The following ZNF563 variants were observed in gnomAD, a reference collection of about 807,000 sequenced individuals.
ZNF563 encodes zinc finger protein 563.
ZNF563 carries 39 observed loss-of-function variants against 48.5 expected under a neutral mutation model. The ratio of observed to expected loss-of-function variants is 0.80; its 90% CI spans 0.62 to 1.05. ZNF563 has a LOEUF of 1.05. Ranked by LOEUF, ZNF563 falls within the 50% of genes least tolerant of loss-of-function variation. ZNF563 has a pLI of 0.00. For missense variants in ZNF563, 538 were observed against 597.0 expected (o/e 0.90, Z 1.03); for synonymous variants, 168 against 187.9 (o/e 0.89, Z 0.87).
rs1246397903 is a variant in ZNF563 at position 12,317,679 on chromosome 19, A to G, written c.*915T>C. Reference sequence around the variant, plus strand: ...TTGTACCAAATATGTCATTTTTAAAAAAGGACTTGGCATGTGTCGATTTAT... The same window carrying G: ...TTGTACCAAATATGTCATTTTTAAAGAAGGACTTGGCATGTGTCGATTTAT... On this transcript the variant is annotated 3_prime_UTR_variant, in exon 4 of 4. Coordinates refer to ENST00000293725, the MANE Select transcript of ZNF563 (RefSeq NM_145276.3). 3 of 152,118 alleles carry G rather than the reference A, an allele frequency of 2.0e-5. No individual in the cohort carries two copies. The highest frequency in any genetic ancestry group is 2.9e-5 in the Non-Finnish European group (2 of 68,006). The allele number at this position is 152,118 out of a possible 1,614,324, so 9.4% of individuals were successfully genotyped here. A position where few individuals can be genotyped will look rare whatever the true frequency, so the allele number is the denominator to read the frequency against.
chr19:12,333,471 C>T lies in ZNF563; in HGVS notation c.3+9G>A, dbSNP rs769395792. On this transcript the variant is annotated intron_variant, in intron 1 of 3. Transcript: ENST00000293725. Reference sequence around the variant, plus strand: ...CCCACTTTTGGGACGCCTGACCCTGCACACGCACCATTTCCCGGCTTCCGG... The same window carrying T: ...CCCACTTTTGGGACGCCTGACCCTGTACACGCACCATTTCCCGGCTTCCGG... The T allele has an allele frequency of 1.2e-6, 2 of 1,613,230 alleles. No homozygotes were observed. Among genetic ancestry groups the T allele is most frequent in the African/African-American group, 2.7e-5 (2 of 74,922 alleles).
Position 12,319,083 on chromosome 19 carries a change from G to A in ZNF563, c.942C>T (p.Cys314=), listed in dbSNP as rs141391535. ...TTCCAAGATGATGAAATGTTTTCCC[G>A]CATTGCTTACACTCATAGGGTTTCT... ...SAEKPYECKQ[C]GKTFHHLGSF... The change falls in exon 4 of 4, where the codon TGC becomes TGT. Residue 314 remains cysteine (C), a synonymous_variant. Coordinates refer to ENST00000293725, the MANE Select transcript of ZNF563 (RefSeq NM_145276.3). The A allele has an allele frequency of 3.3e-4, 526 of 1,613,888 alleles. No individual in the cohort carries two copies. The highest frequency in any genetic ancestry group is 4.0e-4 in the Non-Finnish European group (472 of 1,179,994).
chr19:12,326,796 G>A (rs541420138), intron 1 of ZNF563, among the ~76,000 whole-genome samples: 1 of 152,160 alleles, frequency 6.6e-6, no homozygotes, highest in East Asian at 1.9e-4. Context: ...AAAGAGAAAT[G>A]ACACAAGTTA....
chr19:12,330,987 C>T (rs1968904191), intron 1 of ZNF563, among the ~76,000 whole-genome samples: 1 of 152,078 alleles, frequency 6.6e-6, no homozygotes, highest in African/African-American at 2.4e-5. Context: ...AACAAAACAA[C>T]AGCAACAACA....
At chr19:12,327,254 G>A (rs1039483055) in intron 1 of ZNF563, among the ~76,000 whole-genome samples, 4 of 152,150 alleles carry the variant, frequency 2.6e-5, no homozygotes, top group African/African-American at 9.7e-5. Flanking sequence ...AAGGTCAGGA[G>A]TTCAAGACCA....
intron 1 of ZNF563, among the ~76,000 whole-genome samples, chr19:12,325,482 A>AG (rs1277813192): frequency 2.6e-5 from 4 of 151,922 alleles, no homozygotes; most frequent in Non-Finnish European, 5.9e-5. Context: ...AAAAAAAAAA[A>AG]AAAAAGACAT....
intron 1 of ZNF563, among the ~76,000 whole-genome samples, chr19:12,330,569 G>T (rs534570866): frequency 5.4e-4 from 82 of 152,298 alleles, no homozygotes; most frequent in Non-Finnish European, 9.0e-4. Flanking sequence ...AAAGTCCAAT[G>T]GAAGACAGCA....
At chr19:12,327,119 T>C (rs1379292341) in intron 1 of ZNF563, among the ~76,000 whole-genome samples, 4 of 152,138 alleles carry the variant, frequency 2.6e-5, no homozygotes, top group Non-Finnish European at 5.9e-5. Context: ...ACTATACTAA[T>C]AGGATAAGAA....
chr19:12,322,276 G>A (rs560977318), intron 2 of ZNF563, among the ~76,000 whole-genome samples: 5 of 152,066 alleles, frequency 3.3e-5, no homozygotes, highest in African/African-American at 4.8e-5. Context: ...GGCTGGTCTC[G>A]AACTCCTGAC....
At chr19:12,321,015 G>T (rs1045542374) in intron 3 of ZNF563, among the ~76,000 whole-genome samples, 1 of 151,826 alleles carries the variant, frequency 6.6e-6, no homozygotes, top group African/African-American at 2.4e-5. Flanking sequence ...TGGCTTGCAC[G>T]TGTAGTCCTG....
rs1444003361 is a variant in ZNF563, at chr19:12,319,290, T to A, written c.735A>T (p.Arg245Ser). 6.2e-7 allele frequency: 1 copy of A among 1,614,046 alleles called. No individual in the cohort carries two copies. Among genetic ancestry groups the A allele is most frequent in the East Asian group, 2.2e-5 (1 of 44,868 alleles). ...PFYSSYRRHE[R>S]MHTGEKPYEC... ...CATACGGTTTCTCCCCAGTGTGCAT[T>A]CTCTCATGTCTTCGATAGGAACTGT... The change falls in exon 4 of 4, where the codon AGA becomes AGT. Residue 245 changes from arginine (R) to serine (S), a missense_variant. Arg to Ser is a moderately radical substitution (Grantham distance 110). Coordinates refer to ENST00000293725, the MANE Select transcript of ZNF563 (RefSeq NM_145276.3).
chr19:12,321,324 A>G lies in ZNF563; in HGVS notation c.139T>C (p.Trp47Arg). Residue 47 changes from tryptophan to arginine, a missense_variant, in exon 3 of 4, where the codon TGG (tryptophan) becomes CGG (arginine). Physicochemically the swap from Trp to Arg is moderately radical, Grantham distance 101. Transcript: ENST00000293725. ...IRNLDCIRMI[W>R]EEQNTEDQYK... is the part of the protein sequence containing the mutation. ...TGATCTTCAGTATTCTGTTCTTCCC[A>G]TATCATTCCTAAAAGGGAGACCCAG... 1.3e-6 allele frequency: 2 copies of G among 1,555,302 alleles called. No homozygotes were observed. The highest frequency in any genetic ancestry group is 1.7e-6 in the Non-Finnish European group (2 of 1,156,740).
intron 1 of ZNF563, among the ~76,000 whole-genome samples, chr19:12,328,017 T>C (rs962799502): frequency 7.2e-5 from 11 of 152,214 alleles, no homozygotes; most frequent in Admixed American, 7.2e-4. Context: ...AGAAAATCAC[T>C]AACGATATGG....
rs769955256 is a variant in ZNF563, at chr19:12,318,961, T to G, written c.1064A>C (p.His355Pro). 1 of 1,614,250 alleles carries G rather than the reference T, an allele frequency of 6.2e-7. No homozygotes were observed. Among genetic ancestry groups the G allele is most frequent in the East Asian group, 2.2e-5 (1 of 44,884 alleles). The stretch of plus-strand genomic sequence containing the variant: ...TTTCTCTCCAGTGTGAATTCGTTCA[T>G]GATATCGAACTAAACTGGGACGATC... The part of the protein sequence containing the change: ...GFDRPSLVRY[H>P]ERIHTGEKPY... The change falls in exon 4 of 4, where the codon CAT becomes CCT. Residue 355 changes from histidine (H) to proline (P), a missense_variant. Transcript: ENST00000293725.
At chr19:12,332,279 G>T (rs1036457644) in intron 1 of ZNF563, among the ~76,000 whole-genome samples, 9 of 151,744 alleles carry the variant, frequency 5.9e-5, no homozygotes, top group Non-Finnish European at 1.2e-4. Flanking sequence ...CTATCTTCAT[G>T]TGCAGAGAAT....
At chr19:12,335,962 C>T (rs1441869686), upstream of ZNF563, among the ~76,000 whole-genome samples, 2 of 152,164 alleles carry the variant, frequency 1.3e-5, no homozygotes, top group Admixed American at 1.3e-4. Flanking sequence ...ATTAATTCAG[C>T]AAAACATCAG....
the ZNF563 span, among the ~76,000 whole-genome samples, chr19:12,344,253 T>C: frequency 6.6e-6 from 1 of 150,690 alleles, no homozygotes; most frequent in Non-Finnish European, 1.5e-5. Flanking sequence ...ATTAGTTGGG[T>C]GTGGTGGCAT....
chr19:12,336,950 CCA>C (rs1379990936), upstream of ZNF563, among the ~76,000 whole-genome samples: 1 of 152,166 alleles, frequency 6.6e-6, no homozygotes, highest in Non-Finnish European at 1.5e-5. Context: ...GTTCTCATGC[CCA>C]CAGTTTCATT....
Position 12,319,172 on chromosome 19 carries a change from G to A in ZNF563, c.853C>T (p.Gln285Ter), listed in dbSNP as rs1406209656. The change falls in exon 4 of 4, where the codon CAG (glutamine) becomes TAG (stop). Residue 285 changes from glutamine (Q) to a stop codon, truncating the protein, a stop_gained. Coordinates refer to ENST00000293725, the MANE Select transcript of ZNF563 (RefSeq NM_145276.3). LOFTEE classifies it high-confidence loss of function. ...HTGEKPYTCKQCGKAFSVSSS... is the reference protein window; with the variant it reads ...HTGEKPYTCK The stretch of plus-strand genomic sequence containing the variant: ...GAAACACTGAAGGCTTTCCCACACT[G>A]TTTACATGTATATGGTTTCTCTCCA... 49 of 1,614,090 alleles carry A rather than the reference G, an allele frequency of 3.0e-5. No homozygotes were observed. The highest frequency in any genetic ancestry group is 4.2e-5 in the Non-Finnish European group (49 of 1,179,994).
Sources: gnomAD v4.1 joint callset for allele counts (sites outside exome capture counted in the v4.1 genomes callset) on GRCh38, gnomAD v4.1.1 for gene constraint, MANE v1.5 for transcripts, NCBI Gene and HGNC (gene_info 2026-07-23, HGNC 2026-07-21) for gene names.